NFX1: variants seen among roughly 807,000 people sequenced by gnomAD.
NFX1 encodes transcriptional repressor NF-X1.
In NFX1, 69 loss-of-function variants were observed where a neutral mutation model predicts 137.2. That is an observed-to-expected ratio of 0.50 (90% CI 0.41 to 0.61). The LOEUF is 0.61. Ranked by LOEUF, NFX1 falls within the 20% of genes least tolerant of loss-of-function variation. NFX1 has a pLI of 0.00. For synonymous variants in NFX1, 495 were observed against 474.1 expected, an observed-to-expected ratio of 1.04 and a Z score of -0.57; for missense variants, 1,167 against 1,391.0, an observed-to-expected ratio of 0.84 and a Z score of 2.56.
chr9:33,308,326 C>G (rs1821835414), intron 5 of NFX1, among the ~76,000 whole-genome samples: 1 of 152,162 alleles, frequency 6.6e-6, no homozygotes. Flanking sequence ...CCTGTAGTCC[C>G]AGCTACTTGG....
At chr9:33,298,820 T>C (rs1013993532) in intron 2 of NFX1, among the ~76,000 whole-genome samples, 2 of 152,192 alleles carry the variant, frequency 1.3e-5, no homozygotes, top group Admixed American at 1.3e-4. Flanking sequence ...GTGTGGAGAA[T>C]AGGCTCTAAG....
At position 33,363,056 on chromosome 9, in the gene NFX1, G is replaced by A. The variant is rs934404872; in HGVS notation, c.2874-954G>A. ...GGGTGATGATGGTTAACGGTAAGGT[G>A]TAGTATTTTACAAAATAGCTAGAAA... On this transcript the variant is annotated intron_variant, in intron 19 of 23. Transcript: ENST00000379540. Among the ~76,000 whole-genome samples, 7 of 151,924 alleles carry A rather than the reference G, an allele frequency of 4.6e-5. No homozygotes were observed. The East Asian group carries it at 1.3e-3, about 29-fold the overall frequency.
intron 10 of NFX1, among the ~76,000 whole-genome samples, chr9:33,329,389 C>T (rs1311183185): frequency 6.6e-6 from 1 of 152,130 alleles, no homozygotes; most frequent in South Asian, 2.1e-4. Flanking sequence ...ACCATGTGAC[C>T]CAAAACCCCT....
At chr9:33,308,730 T>C (rs369624576) in intron 5 of NFX1, among the ~76,000 whole-genome samples, 1 of 152,198 alleles carries the variant, frequency 6.6e-6, no homozygotes, top group Non-Finnish European at 1.5e-5. Flanking sequence ...CGGCTCGATA[T>C]AGAGTCTTTC....
intron 7 of NFX1, among the ~76,000 whole-genome samples, chr9:33,315,795 G>A (rs1476473176): frequency 6.6e-6 from 1 of 151,924 alleles, no homozygotes; most frequent in Non-Finnish European, 1.5e-5. Flanking sequence ...GGGAGGCTGA[G>A]GTGGAAGGAT....
chr9:33,354,008 G>A, intron 17 of NFX1, 78 bp from the exon 18 acceptor site: 3 of 1,341,684 alleles, frequency 2.2e-6, no homozygotes, highest in Non-Finnish European at 3.0e-6. Flanking sequence ...CTTTTAAAGA[G>A]GTCTTCTGTA....
At chr9:33,341,006 C>G (rs538554526) in intron 12 of NFX1, among the ~76,000 whole-genome samples, 1 of 152,356 alleles carries the variant, frequency 6.6e-6, no homozygotes, top group South Asian at 2.1e-4. Context: ...GCCCTCCAGA[C>G]TGTTCCAACA....
intron 12 of NFX1, 85 bp downstream of exon 12, chr9:33,338,674 C>A: frequency 8.0e-7 from 1 of 1,251,282 alleles, no homozygotes; most frequent in Non-Finnish European, 1.1e-6. Flanking sequence ...AGAATGCAGC[C>A]CGGATTTAAA....
At chr9:33,306,758 C>T (rs1032491894) in intron 4 of NFX1, among the ~76,000 whole-genome samples, 12 of 152,232 alleles carry the variant, frequency 7.9e-5, no homozygotes, top group African/African-American at 2.6e-4. Flanking sequence ...TCCTGCTACT[C>T]GGGATTTATG....
At chr9:33,366,915 TC>T (rs1268793181) in intron 22 of NFX1, 141 bp downstream of exon 22, 38 of 1,127,530 alleles carry the variant, frequency 3.4e-5, no homozygotes, top group Non-Finnish European at 4.5e-5. Flanking sequence ...CTCTGGCACT[TC>T]CCAGATAATC....
At chr9:33,304,481 C>T (rs1177435542) in intron 4 of NFX1, among the ~76,000 whole-genome samples, 1 of 152,158 alleles carries the variant, frequency 6.6e-6, no homozygotes, top group East Asian at 1.9e-4. Flanking sequence ...TTTCCCATTA[C>T]TTAGCTAGCA....
At chr9:33,336,532 T>C (rs1823011121) in intron 11 of NFX1, among the ~76,000 whole-genome samples, 1 of 152,138 alleles carries the variant, frequency 6.6e-6, no homozygotes, top group Non-Finnish European at 1.5e-5. Context: ...GCTTTTTAAA[T>C]CATAGCCATC....
chr9:33,322,904 G>A (rs1822440239), intron 9 of NFX1, among the ~76,000 whole-genome samples: 1 of 152,194 alleles, frequency 6.6e-6, no homozygotes, highest in African/African-American at 2.4e-5. Flanking sequence ...ATCAGGGAAA[G>A]GTAGCTAAGA....
Position 33,369,057 on chromosome 9 carries a change from A to G in NFX1, c.3291-849A>G, listed in dbSNP as rs576797570. Among the ~76,000 whole-genome samples the G allele has an allele frequency of 2.6e-5, 4 of 151,940 alleles. No homozygotes were observed. The East Asian group carries it at 7.7e-4, about 29-fold the overall frequency. On this transcript the variant is annotated intron_variant, in intron 23 of 23. Coordinates refer to ENST00000379540, the MANE Select transcript of NFX1 (RefSeq NM_002504.6). ...GTTATTGGCCCGTTTATCCCATGCT[A>G]TCTTTTTTCTTTTTTTCTTTTTTTT...
At position 33,327,430 on chromosome 9, in the gene NFX1, T is replaced by C. The variant is rs569499613; in HGVS notation, c.1907-1151T>C. Among the ~76,000 whole-genome samples the C allele has an allele frequency of 1.2e-4, 18 of 152,324 alleles. No individual in the cohort carries two copies. The South Asian group carries it at 2.9e-3, about 25-fold the overall frequency. On this transcript the variant is annotated intron_variant, in intron 9 of 23. Transcript: ENST00000379540. ...CCCAGGCTGGAGTGCAGTGGCATGA[T>C]CTTGGCTCACTGCAACCTCCGCCTC... is the stretch of plus-strand genomic sequence containing the variant.
intron 3 of NFX1, 51 bp from the exon 4 acceptor site, chr9:33,303,139 AT>A: frequency 7.0e-7 from 1 of 1,427,126 alleles, no homozygotes; most frequent in South Asian, 1.2e-5. Context: ...TTTTAATTAC[AT>A]GTAGCTTTTG....
chr9:33,367,544 T>C lies in NFX1; in HGVS notation c.3215T>C (p.Leu1072Pro), dbSNP rs754656061. Residue 1072 changes from leucine (L) to proline (P), a missense_variant, in exon 23 of 24, where the codon CTG becomes CCG. By Grantham distance (98) the Leu-to-Pro change is moderately conservative (BLOSUM62 -3). Transcript: ENST00000379540. ...RGKSVCPPTT[L>P]TGVLEREMQA... ...AAGTCCGTTTGTCCTCCTACCACGC[T>C]GACAGGTGTGCTTGAAAGGGAAATG... 2 of 1,613,864 alleles carry C rather than the reference T, an allele frequency of 1.2e-6. No individual in the cohort carries two copies. The highest frequency in any genetic ancestry group is 3.3e-5 in the Admixed American group (2 of 59,994).
At chr9:33,311,006 T>C in intron 5 of NFX1, 100 bp from the exon 6 acceptor site, 1 of 926,478 alleles carries the variant, frequency 1.1e-6, no homozygotes, top group Admixed American at 2.0e-5. Flanking sequence ...TCATAGTAGA[T>C]GTATTTGTTG....
At chr9:33,363,503 C>T (rs1400558028) in intron 19 of NFX1, among the ~76,000 whole-genome samples, 5 of 152,000 alleles carry the variant, frequency 3.3e-5, no homozygotes, top group South Asian at 2.1e-4. Context: ...AGGCTGGTCT[C>T]GAACTCCTGG....
Sources: allele counts gnomAD v4.1 joint callset (sites outside exome capture counted in the v4.1 genomes callset), GRCh38; gene constraint gnomAD v4.1.1; transcripts MANE v1.5; gene names NCBI Gene and HGNC (gene_info 2026-07-23, HGNC 2026-07-21).